BPNT2: variants seen among roughly 807,000 people sequenced by gnomAD.
The protein encoded by BPNT2 is 3'(2'), 5'-bisphosphate nucleotidase 2, also known as Golgi-resident adenosine 3',5'-bisphosphate 3'-phosphatase.
Under a neutral mutation model 29.3 loss-of-function variants are expected in BPNT2, and 11 were observed. The ratio of observed to expected loss-of-function variants is 0.38; its 90% CI spans 0.24 to 0.62. The LOEUF is 0.62. Among genes scored for constraint, BPNT2 ranks in the 20% least tolerant of loss-of-function variants. The pLI, the probability that BPNT2 is intolerant of heterozygous loss-of-function variation, is 0.62. For missense variants in BPNT2, 459 were observed against 473.4 expected (o/e 0.97, Z 0.28); for synonymous variants, 195 against 187.7 (o/e 1.04, Z -0.32).
At position 56,960,284 on chromosome 8, in the gene BPNT2, A is replaced by G. The variant is rs1285560280; in HGVS notation, c.*3509T>C. On this transcript the variant is annotated 3_prime_UTR_variant, in exon 5 of 5. Transcript: ENST00000262644. ...GTGAGATCCAATTTTTGAATTCAACATGAAACAAGGACAGATATCCTGATC... is the reference window on the plus strand; with the variant it reads ...GTGAGATCCAATTTTTGAATTCAACGTGAAACAAGGACAGATATCCTGATC... The G allele has an allele frequency of 6.6e-6, 1 of 152,184 alleles. No individual in the cohort carries two copies. The highest frequency in any genetic ancestry group is 6.5e-5 in the Admixed American group (1 of 15,280). 9.4% of individuals were successfully genotyped at this position (152,184 alleles called of 1,614,324 possible).
chr8:56,967,782 T>C (rs368310897), intron 3 of BPNT2, among the ~76,000 whole-genome samples: 1 of 152,156 alleles, frequency 6.6e-6, no homozygotes, highest in East Asian at 1.9e-4. Context: ...GAGATTAAGA[T>C]AGGGGCTTTA....
At chr8:56,973,347 C>T (rs978725265) in intron 3 of BPNT2, among the ~76,000 whole-genome samples, 9 of 152,130 alleles carry the variant, frequency 5.9e-5, no homozygotes, top group African/African-American at 2.2e-4. Context: ...ATGGAAAGGA[C>T]TGTCAATACC....
In BPNT2 at chr8:56,960,765, G is replaced by A. The variant is rs1028646644; in HGVS notation, c.*3028C>T. 3 of 151,950 alleles carry A rather than the reference G, an allele frequency of 2.0e-5. No homozygotes were observed. Among genetic ancestry groups the A allele is most frequent in the African/African-American group, 7.3e-5 (3 of 41,356 alleles). The allele number at this position is 151,950 out of a possible 1,614,324, so 9.4% of individuals were successfully genotyped here. On this transcript the variant is annotated 3_prime_UTR_variant, in exon 5 of 5. Coordinates refer to ENST00000262644, the MANE Select transcript of BPNT2 (RefSeq NM_017813.5). ...AACAATGGGTAGAAAGAAATACTTC[G>A]TAAAAACACTCATATTAGACTTGAC...
chr8:56,989,336 C>A lies in BPNT2; in HGVS notation c.387+3863G>T, dbSNP rs1806373916. Reference sequence around the variant, plus strand: ...GCAGTGAGCTGAGATTGTGCCACTGCACTCCAGCCTGGGCGACAGAGCGAG... The same window carrying A: ...GCAGTGAGCTGAGATTGTGCCACTGAACTCCAGCCTGGGCGACAGAGCGAG... On this transcript the variant is annotated intron_variant, in intron 1 of 4. Coordinates refer to ENST00000262644, the MANE Select transcript of BPNT2 (RefSeq NM_017813.5). 2.7e-5 allele frequency among the ~76,000 whole-genome samples: 4 copies of A among 149,516 alleles called. No individual in the cohort carries two copies. The South Asian group carries it at 8.4e-4, about 32-fold the overall frequency.
At chr8:56,973,544 TGA>T (rs757307579) in intron 3 of BPNT2, among the ~76,000 whole-genome samples, 6 of 152,124 alleles carry the variant, frequency 3.9e-5, no homozygotes, top group South Asian at 2.1e-4. Flanking sequence ...AAGAAAATCA[TGA>T]GAGTGCAGAT....
At position 56,959,688 on chromosome 8, in the gene BPNT2, C is replaced by T. The variant is rs1250573826; in HGVS notation, c.*4105G>A. 2.6e-5 allele frequency: 4 copies of T among 152,062 alleles called. No individual in the cohort carries two copies. The highest frequency in any genetic ancestry group is 9.7e-5 in the African/African-American group (4 of 41,402). 9.4% of individuals were successfully genotyped at this position (152,062 alleles called of 1,614,324 possible). On this transcript the variant is annotated 3_prime_UTR_variant, in exon 5 of 5. Transcript: ENST00000262644. ...CAAAAGATGAAATATTATTTCAGACCTATATACATCAAGATGCCAGTTCTT... is the reference window on the plus strand; with the variant it reads ...CAAAAGATGAAATATTATTTCAGACTTATATACATCAAGATGCCAGTTCTT...
At chr8:56,990,839 G>A (rs1258390344) in intron 1 of BPNT2, among the ~76,000 whole-genome samples, 6 of 152,214 alleles carry the variant, frequency 3.9e-5, no homozygotes, top group Middle Eastern at 6.8e-3. Flanking sequence ...CATTACATAC[G>A]AAAGCTCAGA....
chr8:56,978,417 A>G (rs1585562659), intron 2 of BPNT2, among the ~76,000 whole-genome samples: 4 of 152,242 alleles, frequency 2.6e-5, no homozygotes, highest in South Asian at 2.1e-4. Context: ...GAGGTTGTGG[A>G]AAAAAAGGAA....
rs960591558 is a variant in BPNT2 at position 56,962,672 on chromosome 8, G to T, written c.*1121C>A. 1 of 151,872 alleles carries T rather than the reference G, an allele frequency of 6.6e-6. No individual in the cohort carries two copies. The highest frequency in any genetic ancestry group is 2.4e-5 in the African/African-American group (1 of 41,322). The allele number at this position is 151,872 out of a possible 1,614,324, so 9.4% of individuals were successfully genotyped here. A position where few individuals can be genotyped will look rare whatever the true frequency, so the allele number is the denominator to read the frequency against. The stretch of plus-strand genomic sequence containing the variant: ...CAACCTTCTCTATTTTAATCTGAGG[G>T]GAAATTAAGAGAATCTCAAAAGTTA... On this transcript the variant is annotated 3_prime_UTR_variant, in exon 5 of 5. Transcript: ENST00000262644.
chr8:56,957,989 C>CGGG lies in BPNT2; in HGVS notation c.*5801_*5803dup, dbSNP rs1336691212. 1 of 151,916 alleles carries CGGG rather than the reference C, an allele frequency of 6.6e-6. No homozygotes were observed. Among genetic ancestry groups the CGGG allele is most frequent in the Non-Finnish European group, 1.5e-5 (1 of 67,996 alleles). The allele number at this position is 151,916 out of a possible 1,614,324, so 9.4% of individuals were successfully genotyped here. ...CAAATTTCGTTTGGCAAAGTATATC[C>CGGG]GGGGCAGAGAGTTTGGGATAATTAT... On this transcript the variant is annotated 3_prime_UTR_variant, in exon 5 of 5. Coordinates refer to ENST00000262644, the MANE Select transcript of BPNT2 (RefSeq NM_017813.5).
chr8:56,981,992 C>T (rs1806253063), intron 1 of BPNT2, among the ~76,000 whole-genome samples: 1 of 152,122 alleles, frequency 6.6e-6, no homozygotes, highest in Non-Finnish European at 1.5e-5. Context: ...GTTGCAGAGA[C>T]ACAGACATGA....
rs573236361 is a variant in BPNT2, at chr8:56,964,188, G to T, written c.809-124C>A. 13 of 648,924 alleles carry T rather than the reference G, an allele frequency of 2.0e-5. No homozygotes were observed. In the African/African-American group the frequency reaches 2.4e-4, roughly 12 times the overall value. 40.2% of individuals were successfully genotyped at this position (648,924 alleles called of 1,614,324 possible). On this transcript the variant is annotated intron_variant, in intron 4 of 4. Coordinates refer to ENST00000262644, the MANE Select transcript of BPNT2 (RefSeq NM_017813.5). ...TGTGCAGGAGCTTGCTGCAGTCTCTGCAACTGCTTAAGTTTAAAATTATTT... is the reference window on the plus strand; with the variant it reads ...TGTGCAGGAGCTTGCTGCAGTCTCTTCAACTGCTTAAGTTTAAAATTATTT...
At chr8:56,980,817 T>TACAC (rs1343746473) in intron 1 of BPNT2, among the ~76,000 whole-genome samples, 68 of 67,902 alleles carry the variant, frequency 1.0e-3, no homozygotes, top group African/African-American at 4.9e-3. Context: ...CATACATACA[T>TACAC]ATACACACAC....
chr8:56,985,331 C>T (rs1306733420), intron 1 of BPNT2, among the ~76,000 whole-genome samples: 1 of 151,976 alleles, frequency 6.6e-6, no homozygotes, highest in Non-Finnish European at 1.5e-5. Context: ...TCCCCATAAT[C>T]CTCTTCCACT....
chr8:56,966,984 C>A, intron 3 of BPNT2: 1 of 349,378 alleles, frequency 2.9e-6, no homozygotes, highest in Non-Finnish European at 5.6e-6. Flanking sequence ...AAAGAAAAAG[C>A]CTTAGATTTC....
chr8:56,976,689 A>G (rs1806145327), intron 3 of BPNT2, among the ~76,000 whole-genome samples: 1 of 152,196 alleles, frequency 6.6e-6, no homozygotes. Context: ...TCAGCAAAAC[A>G]AATACATAAT....
intron 1 of BPNT2, among the ~76,000 whole-genome samples, chr8:56,983,971 CAAT>C (rs1175659437): frequency 6.6e-6 from 1 of 151,942 alleles, no homozygotes; most frequent in Non-Finnish European, 1.5e-5. Context: ...CTCTTAACAA[CAAT>C]GCCAGACTAC....
rs1805878088 is a variant in BPNT2 at position 56,963,478 on chromosome 8, G to T, written c.*315C>A. The T allele has an allele frequency of 1.1e-5, 3 of 281,230 alleles. No homozygotes were observed. Among genetic ancestry groups the T allele is most frequent in the Admixed American group, 9.7e-5 (2 of 20,724 alleles). 17.4% of individuals were successfully genotyped at this position (281,230 alleles called of 1,614,324 possible). On this transcript the variant is annotated 3_prime_UTR_variant, in exon 5 of 5. Coordinates refer to ENST00000262644, the MANE Select transcript of BPNT2 (RefSeq NM_017813.5). ...ACTAACAGTGAAGATTCATGATGTT[G>T]TGTGAAAATGGTGACTCATAACAAT...
intron 3 of BPNT2, among the ~76,000 whole-genome samples, chr8:56,966,664 C>T (rs1805959035): frequency 6.6e-6 from 1 of 152,198 alleles, no homozygotes; most frequent in African/African-American, 2.4e-5. Context: ...AACTCCACTT[C>T]TCCCTGCATC....
Sources: allele counts gnomAD v4.1 joint callset (sites outside exome capture counted in the v4.1 genomes callset), GRCh38; gene constraint gnomAD v4.1.1; transcripts MANE v1.5; gene names NCBI Gene and HGNC (gene_info 2026-07-23, HGNC 2026-07-21).